DIAPH2: variants seen among roughly 807,000 people sequenced by gnomAD.
DIAPH2 encodes diaphanous related formin 2.
In DIAPH2, 35 loss-of-function variants were observed where a neutral mutation model predicts 92.7. The observed-to-expected ratio is 0.38, with a 90% CI of 0.29 to 0.50. The LOEUF is 0.50. Ranked by LOEUF, DIAPH2 falls within the 20% of genes least tolerant of loss-of-function variation. The pLI is 0.94. For synonymous variants in DIAPH2, 301 were observed against 280.4 expected (o/e 1.07, Z -0.73); for missense variants, 701 against 819.5 (o/e 0.86, Z 1.77).
chrX:96,844,003 T>C (rs761440152), intron 4 of DIAPH2, among the ~76,000 whole-genome samples: 1 of 112,327 alleles, frequency 8.9e-6, no homozygotes, highest in Non-Finnish European at 1.9e-5. Context: ...CCTCACCCTA[T>C]GTGGTAGGTT....
chrX:97,475,463 T>C lies in DIAPH2; in HGVS notation c.3241+45718T>C, dbSNP rs749060256. On this transcript the variant is annotated intron_variant, in intron 26 of 26. Coordinates refer to ENST00000324765, the MANE Select transcript of DIAPH2 (RefSeq NM_006729.5). Reference sequence around the variant, plus strand: ...TTTAGTCCTGCTGTCAAAAGGTAGCTCTGTACCATTAGTTTCTGCAGCAGA... The same window carrying C: ...TTTAGTCCTGCTGTCAAAAGGTAGCCCTGTACCATTAGTTTCTGCAGCAGA... Among the ~76,000 whole-genome samples the C allele has an allele frequency of 7.1e-5, 8 of 112,105 alleles. No homozygotes were observed. In the East Asian group the frequency reaches 8.4e-4, roughly 12 times the overall value.
intron 25 of DIAPH2, among the ~76,000 whole-genome samples, chrX:97,395,960 T>C (rs1255997255): frequency 8.9e-6 from 1 of 112,249 alleles, no homozygotes; most frequent in African/African-American, 3.2e-5. Context: ...CTCTACAATA[T>C]ATGCTTGTTG....
At chrX:97,393,293 A>C (rs1328402927) in intron 25 of DIAPH2, among the ~76,000 whole-genome samples, 1 of 111,970 alleles carries the variant, frequency 8.9e-6, no homozygotes, top group African/African-American at 3.2e-5. Context: ...TGCAAGCAAC[A>C]GATTGACTGA....
rs1341338410 is a variant in DIAPH2 at position 96,931,416 on chromosome X, C to T, written c.1089+573C>T. 4.5e-5 allele frequency among the ~76,000 whole-genome samples: 5 copies of T among 111,409 alleles called. 1 individual carries two copies. Among genetic ancestry groups the T allele is most frequent in the Admixed American group, 3.8e-4 (4 of 10,447 alleles). Reference sequence around the variant, plus strand: ...GCTGAATCTGAAATAAATGAGCACACTTATTTTTATAAATACAAATACAAC... The same window carrying T: ...GCTGAATCTGAAATAAATGAGCACATTTATTTTTATAAATACAAATACAAC... On this transcript the variant is annotated intron_variant, in intron 10 of 26. Transcript: ENST00000324765.
In DIAPH2 at chrX:97,385,482, C is replaced by T. The variant is rs762073646; in HGVS notation, c.3145+1438C>T. 5.4e-5 allele frequency among the ~76,000 whole-genome samples: 6 copies of T among 111,378 alleles called. No homozygotes were observed. In the East Asian group the frequency reaches 1.7e-3, roughly 32 times the overall value. ...TCCTGACCTCGTGATCCACCCACCT[C>T]GGCCTCCCAAAGTGCTGGGATTACA... On this transcript the variant is annotated intron_variant, in intron 25 of 26. Transcript: ENST00000324765.
At chrX:97,524,017 T>G (rs771502005) in intron 26 of DIAPH2, among the ~76,000 whole-genome samples, 1 of 111,913 alleles carries the variant, frequency 8.9e-6, no homozygotes, top group African/African-American at 3.2e-5. Flanking sequence ...TGGCAAGAAT[T>G]AACTAGATTT....
chrX:96,719,206 G>A lies in DIAPH2; in HGVS notation c.133-16552G>A, dbSNP rs188475827. Among the ~76,000 whole-genome samples the A allele has an allele frequency of 1.2e-4, 13 of 111,927 alleles. No homozygotes were observed. In the East Asian group the frequency reaches 3.6e-3, roughly 31 times the overall value. Reference sequence around the variant, plus strand: ...TAATCCCTTGTCAGATGGGTAGTTTGCAAATATTTTCTCCTATACTGTGGG... The same window carrying A: ...TAATCCCTTGTCAGATGGGTAGTTTACAAATATTTTCTCCTATACTGTGGG... On this transcript the variant is annotated intron_variant, in intron 1 of 26. Transcript: ENST00000324765.
intron 22 of DIAPH2, among the ~76,000 whole-genome samples, chrX:97,225,320 A>G (rs995192125): frequency 9.0e-6 from 1 of 111,633 alleles, no homozygotes; most frequent in Non-Finnish European, 1.9e-5. Context: ...AAATCAATCT[A>G]GAAACTGGTT....
chrX:96,967,146 C>T (rs2065897961), intron 17 of DIAPH2, among the ~76,000 whole-genome samples: 1 of 111,379 alleles, frequency 9.0e-6, no homozygotes, highest in African/African-American at 3.3e-5. Context: ...ATCCAGGTAG[C>T]AATGAGCATA....
chrX:96,940,449 A>G (rs997144470), intron 12 of DIAPH2, among the ~76,000 whole-genome samples: 1 of 111,960 alleles, frequency 8.9e-6, no homozygotes, highest in African/African-American at 3.2e-5. Context: ...GTTACATTTA[A>G]CTGTTCAAGA....
chrX:97,372,949 C>T (rs896372774), intron 24 of DIAPH2, among the ~76,000 whole-genome samples: 1 of 110,211 alleles, frequency 9.1e-6, no homozygotes, highest in African/African-American at 3.3e-5. Context: ...TGCACTCCAG[C>T]CTGGGCAACA....
chrX:97,258,529 T>C (rs1361937546), intron 23 of DIAPH2, among the ~76,000 whole-genome samples: 61 of 92,477 alleles, frequency 6.6e-4, no homozygotes, highest in African/African-American at 9.7e-4. Flanking sequence ...GCCGAGATCA[T>C]GCCACTGCAC....
intron 22 of DIAPH2, among the ~76,000 whole-genome samples, chrX:97,187,357 C>T (rs1353395551): frequency 1.2e-5 from 1 of 86,760 alleles, no homozygotes; most frequent in Non-Finnish European, 2.1e-5. Context: ...CTCACTGCAA[C>T]CTCTGTCTCC....
At chrX:97,214,880 C>T (rs981598927) in intron 22 of DIAPH2, among the ~76,000 whole-genome samples, 17 of 102,209 alleles carry the variant, frequency 1.7e-4, no homozygotes, top group Admixed American at 7.6e-4. Context: ...TTTAAAATGA[C>T]GATTATAAAC....
intron 23 of DIAPH2, among the ~76,000 whole-genome samples, chrX:97,286,109 C>T (rs1373231465): frequency 7.7e-5 from 8 of 103,484 alleles, no homozygotes; most frequent in South Asian, 4.6e-4. Context: ...GGTGCGATCT[C>T]GGCTCACTGC....
intron 23 of DIAPH2, among the ~76,000 whole-genome samples, chrX:97,274,573 T>C (rs12398444): frequency 0.023 from 2,542 of 109,657 alleles, 29 homozygotes; most frequent in Middle Eastern, 0.038. Context: ...ATCAGTAGAA[T>C]CATGTCAACA....
chrX:97,143,447 A>G (rs2067221861), intron 22 of DIAPH2, among the ~76,000 whole-genome samples: 1 of 110,405 alleles, frequency 9.1e-6, no homozygotes, highest in Non-Finnish European at 1.9e-5. Flanking sequence ...AAGTATGTCA[A>G]TAATATATCT....
intron 26 of DIAPH2, among the ~76,000 whole-genome samples, chrX:97,440,156 C>G (rs1044757186): frequency 2.7e-5 from 3 of 111,572 alleles, no homozygotes; most frequent in African/African-American, 9.8e-5. Context: ...ACGTCCAGTT[C>G]CTCTCTGAAG....
intron 22 of DIAPH2, among the ~76,000 whole-genome samples, chrX:97,205,179 ATG>A (rs2067786359): frequency 8.9e-6 from 1 of 112,350 alleles, no homozygotes. Flanking sequence ...TTAACTCAAG[ATG>A]TATTAAAGAC....
Sources: allele counts gnomAD v4.1 joint callset (sites outside exome capture counted in the v4.1 genomes callset), GRCh38; gene constraint gnomAD v4.1.1; transcripts MANE v1.5; gene names NCBI Gene and HGNC (gene_info 2026-07-23, HGNC 2026-07-21).